Variants in HPSE2 observed in about 807,000 individuals in gnomAD.
HPSE2 encodes inactive heparanase-2.
A neutral mutation model predicts 60.5 loss-of-function variants in HPSE2; 38 were observed. That is an observed-to-expected ratio of 0.63 (90% CI 0.48 to 0.82). The LOEUF (loss-of-function observed/expected upper bound fraction) is 0.82. Among genes scored for constraint, HPSE2 ranks in the 40% least tolerant of loss-of-function variants. The pLI, the probability that HPSE2 is intolerant of heterozygous loss-of-function variation, is 0.00. For synonymous variants in HPSE2, 295 were observed against 293.2 expected, an observed-to-expected ratio of 1.01 and a Z score of -0.06; for missense variants, 713 against 740.4, an observed-to-expected ratio of 0.96 and a Z score of 0.43.
intron 9 of HPSE2, among the ~76,000 whole-genome samples, chr10:98,550,625 G>A (rs892639817): frequency 2.6e-5 from 4 of 151,894 alleles, no homozygotes; most frequent in Admixed American, 6.6e-5. Context: ...CCGCCACCAC[G>A]CCTGGCTAAT....
At chr10:98,632,127 A>G (rs1458122515) in intron 7 of HPSE2, among the ~76,000 whole-genome samples, 1 of 152,210 alleles carries the variant, frequency 6.6e-6, no homozygotes, top group Non-Finnish European at 1.5e-5. Flanking sequence ...CTAGAGTCAG[A>G]TGAGCCTCAG....
At chr10:98,999,613 T>C (rs1439440794) in intron 3 of HPSE2, among the ~76,000 whole-genome samples, 1 of 152,062 alleles carries the variant, frequency 6.6e-6, no homozygotes, top group African/African-American at 2.4e-5. Flanking sequence ...GAGCTGGGAA[T>C]TGAAGGATAT....
intron 3 of HPSE2, among the ~76,000 whole-genome samples, chr10:98,799,353 C>A (rs149799989): frequency 1.3e-5 from 2 of 152,082 alleles, no homozygotes; most frequent in Non-Finnish European, 2.9e-5. Context: ...GACTTCAACA[C>A]CCCACTTTCA....
intron 9 of HPSE2, among the ~76,000 whole-genome samples, chr10:98,553,340 C>T (rs1310775213): frequency 1.3e-5 from 2 of 152,182 alleles, no homozygotes; most frequent in African/African-American, 4.8e-5. Flanking sequence ...GATGTTGATA[C>T]TTTATGTGTT....
At chr10:99,041,991 C>T (rs1008737141) in intron 3 of HPSE2, among the ~76,000 whole-genome samples, 9 of 152,156 alleles carry the variant, frequency 5.9e-5, no homozygotes, top group Non-Finnish European at 1.5e-5. Flanking sequence ...CATATTTGTA[C>T]ACACAGACCT....
chr10:99,209,791 G>A (rs999402360), intron 2 of HPSE2, among the ~76,000 whole-genome samples: 1 of 152,180 alleles, frequency 6.6e-6, no homozygotes, highest in African/African-American at 2.4e-5. Context: ...CCGGGTTCAA[G>A]CGATTCTTCT....
chr10:98,638,831 C>T (rs546951362), intron 7 of HPSE2, among the ~76,000 whole-genome samples: 1 of 152,258 alleles, frequency 6.6e-6, no homozygotes, highest in Non-Finnish European at 1.5e-5. Flanking sequence ...CTAGCGTATA[C>T]TCACTTAAGG....
intron 3 of HPSE2, among the ~76,000 whole-genome samples, chr10:98,930,413 C>T (rs1447355192): frequency 2.8e-5 from 4 of 144,266 alleles, no homozygotes; most frequent in Non-Finnish European, 6.0e-5. Flanking sequence ...GATTCCATGT[C>T]TTTGCTATTG....
chr10:99,304,843 G>A, the HPSE2 span, among the ~76,000 whole-genome samples: 1 of 152,224 alleles, frequency 6.6e-6, no homozygotes, highest in Admixed American at 6.5e-5. Flanking sequence ...ATGGGCAGGA[G>A]TGACAAAATA....
intron 3 of HPSE2, among the ~76,000 whole-genome samples, chr10:98,992,420 G>C (rs1416990960): frequency 6.6e-6 from 1 of 152,156 alleles, no homozygotes. Flanking sequence ...ACAGGCATGT[G>C]ATTATGTTGC....
At chr10:98,805,108 A>C (rs1197053004) in intron 3 of HPSE2, among the ~76,000 whole-genome samples, 9 of 152,104 alleles carry the variant, frequency 5.9e-5, no homozygotes, top group African/African-American at 2.2e-4. Flanking sequence ...TGGAGATAAG[A>C]GAGTAGAAGG....
At chr10:98,712,027 G>C (rs1484996803) in intron 5 of HPSE2, among the ~76,000 whole-genome samples, 1 of 152,102 alleles carries the variant, frequency 6.6e-6, no homozygotes, top group Non-Finnish European at 1.5e-5. Flanking sequence ...TATAAGGGGA[G>C]AGCATTCTTG....
intron 6 of HPSE2, among the ~76,000 whole-genome samples, chr10:98,668,793 TA>T (rs1325922210): frequency 2.0e-5 from 3 of 152,154 alleles, no homozygotes; most frequent in East Asian, 3.9e-4. Flanking sequence ...CCTCAAACTA[TA>T]AAAGTCCTAA....
intron 3 of HPSE2, among the ~76,000 whole-genome samples, chr10:98,970,689 G>A (rs1371600240): frequency 5.3e-5 from 8 of 152,164 alleles, no homozygotes; most frequent in African/African-American, 1.9e-4. Flanking sequence ...TTTTCTGATT[G>A]TATCAAGTAT....
At chr10:98,850,437 G>GT (rs899951873) in intron 3 of HPSE2, among the ~76,000 whole-genome samples, 45 of 152,140 alleles carry the variant, frequency 3.0e-4, no homozygotes, top group African/African-American at 1.1e-3. Flanking sequence ...ATTATAGTGA[G>GT]TTAAAAATAT....
chr10:98,632,129 G>A (rs765906215), intron 7 of HPSE2, among the ~76,000 whole-genome samples: 2 of 152,164 alleles, frequency 1.3e-5, no homozygotes, highest in Non-Finnish European at 1.5e-5. Context: ...AGAGTCAGAT[G>A]AGCCTCAGTT....
chr10:98,790,666 G>A (rs1403431263), intron 3 of HPSE2, among the ~76,000 whole-genome samples: 1 of 152,196 alleles, frequency 6.6e-6, no homozygotes, highest in Non-Finnish European at 1.5e-5. Context: ...ATAAGTTGAT[G>A]AGGTGATGGA....
intron 2 of HPSE2, among the ~76,000 whole-genome samples, chr10:99,187,861 A>C (rs1309424400): frequency 1.3e-5 from 2 of 152,212 alleles, no homozygotes; most frequent in Admixed American, 6.5e-5. Context: ...TATACCTACT[A>C]CACAATCCAT....
intron 9 of HPSE2, among the ~76,000 whole-genome samples, chr10:98,578,394 TC>T (rs1276133704): frequency 6.6e-6 from 1 of 152,168 alleles, no homozygotes; most frequent in East Asian, 1.9e-4. Context: ...TGGGTTTGTC[TC>T]AGTCTAAATC....
Sources: allele counts gnomAD v4.1 joint callset (sites outside exome capture counted in the v4.1 genomes callset), GRCh38; gene constraint gnomAD v4.1.1; transcripts MANE v1.5; gene names NCBI Gene and HGNC (gene_info 2026-07-23, HGNC 2026-07-21).